The following FER variants were observed in gnomAD, a reference collection of about 807,000 sequenced individuals.
The protein encoded by FER is tyrosine-protein kinase Fer.
In FER, 63 loss-of-function variants were observed where a neutral mutation model predicts 111.0. That is an observed-to-expected ratio of 0.57 (90% CI 0.46 to 0.70). FER has a LOEUF of 0.70. Ranked by LOEUF, FER falls within the 30% of genes least tolerant of loss-of-function variation. The pLI is 0.00. For synonymous variants in FER, 327 were observed against 313.9 expected, an observed-to-expected ratio of 1.04 and a Z score of -0.44; for missense variants, 914 against 954.0, an observed-to-expected ratio of 0.96 and a Z score of 0.55.
At chr5:109,110,662 A>G (rs1468868150) in intron 17 of FER, among the ~76,000 whole-genome samples, 1 of 151,984 alleles carries the variant, frequency 6.6e-6, no homozygotes, top group Non-Finnish European at 1.5e-5. Flanking sequence ...TTTTATTATT[A>G]TTATACTTTA....
intron 13 of FER, among the ~76,000 whole-genome samples, chr5:108,973,345 A>T (rs1465005624): frequency 6.6e-6 from 1 of 152,192 alleles, no homozygotes; most frequent in Non-Finnish European, 1.5e-5. Context: ...CTAAGTTTGC[A>T]TGCTAAGAAT....
intron 17 of FER, among the ~76,000 whole-genome samples, chr5:109,171,145 A>T (rs1442593157): frequency 6.6e-6 from 1 of 152,188 alleles, no homozygotes; most frequent in African/African-American, 2.4e-5. Flanking sequence ...GCTTTTCATC[A>T]TGTTGTATTT....
At chr5:109,187,046 C>T (rs1384783358) in intron 19 of FER, among the ~76,000 whole-genome samples, 1 of 151,896 alleles carries the variant, frequency 6.6e-6, no homozygotes, top group Non-Finnish European at 1.5e-5. Flanking sequence ...TTATAAAATC[C>T]TCATATTGAA....
At chr5:109,153,239 TTTGAG>T (rs1755042073) in intron 17 of FER, among the ~76,000 whole-genome samples, 1 of 151,762 alleles carries the variant, frequency 6.6e-6, no homozygotes, top group Admixed American at 6.6e-5. Context: ...TGGACACTCA[TTTGAG>T]TTTTTATTAA....
At chr5:108,812,627 T>C (rs1757879605) in intron 3 of FER, among the ~76,000 whole-genome samples, 2 of 152,166 alleles carry the variant, frequency 1.3e-5, no homozygotes, top group Non-Finnish European at 2.9e-5. Context: ...CTGTCTGCTC[T>C]TTTTATGTTC....
intron 1 of FER, among the ~76,000 whole-genome samples, chr5:108,749,698 A>C (rs1316893441): frequency 6.6e-6 from 1 of 152,144 alleles, no homozygotes; most frequent in East Asian, 1.9e-4. Context: ...ATAGATCTTA[A>C]GTGTGAAGCT....
chr5:108,962,200 C>T (rs1401992015), intron 13 of FER, among the ~76,000 whole-genome samples: 1 of 152,168 alleles, frequency 6.6e-6, no homozygotes, highest in African/African-American at 2.4e-5. Flanking sequence ...CATCCCTCTC[C>T]CTGATTTTTC....
At chr5:109,010,623 C>T (rs1007492115) in intron 13 of FER, among the ~76,000 whole-genome samples, 1 of 152,176 alleles carries the variant, frequency 6.6e-6, no homozygotes, top group African/African-American at 2.4e-5. Flanking sequence ...TCTCACCCCA[C>T]ATCTTCTCTT....
rs567470409 is a variant in FER, at chr5:108,808,063, T to C, written c.207+9674T>C. Among the ~76,000 whole-genome samples the C allele has an allele frequency of 5.9e-5, 9 of 152,188 alleles. No individual in the cohort carries two copies. The East Asian group carries it at 1.5e-3, about 26-fold the overall frequency. On this transcript the variant is annotated intron_variant, in intron 3 of 19. Coordinates refer to ENST00000281092, the MANE Select transcript of FER (RefSeq NM_005246.4). ...AGCATGTGGTTGATGTTAGATTATG[T>C]TCCATGTCAGATGAGAGTAATGTGT...
In FER at chr5:108,750,963, C is replaced by T. The variant is rs561722758; in HGVS notation, c.-206+2963C>T. ...ATCCCAGCACTTTGGGAGGCCGAGG[C>T]GGGCGGATCACCTGAGGTCGGGAGT... On this transcript the variant is annotated intron_variant, in intron 1 of 19. Coordinates refer to ENST00000281092, the MANE Select transcript of FER (RefSeq NM_005246.4). Among the ~76,000 whole-genome samples the T allele has an allele frequency of 4.4e-4, 67 of 152,218 alleles. 1 individual carries two copies. Among genetic ancestry groups the T allele is most frequent in the South Asian group, 1.9e-3 (9 of 4,820 alleles).
Position 108,756,868 on chromosome 5 carries a change from A to G in FER, c.-206+8868A>G, listed in dbSNP as rs973596715. Among the ~76,000 whole-genome samples, 3 of 152,182 alleles carry G rather than the reference A, an allele frequency of 2.0e-5. No homozygotes were observed. In the South Asian group the frequency reaches 6.2e-4, roughly 31 times the overall value. ...CCAGGTAGAGACAGTTTCTGTCAATATAAGTCTTAAGTCTTTTAGTAAATT... is the reference window on the plus strand; with the variant it reads ...CCAGGTAGAGACAGTTTCTGTCAATGTAAGTCTTAAGTCTTTTAGTAAATT... On this transcript the variant is annotated intron_variant, in intron 1 of 19. Coordinates refer to ENST00000281092, the MANE Select transcript of FER (RefSeq NM_005246.4).
intron 1 of FER, among the ~76,000 whole-genome samples, chr5:108,760,712 C>T (rs550988954): frequency 2.6e-5 from 4 of 152,240 alleles, no homozygotes; most frequent in South Asian, 2.1e-4. Context: ...AGAGTTAAGG[C>T]CTTGTTCTGG....
chr5:108,955,853 C>T (rs1419661009), intron 12 of FER, among the ~76,000 whole-genome samples: 3 of 151,704 alleles, frequency 2.0e-5, no homozygotes, highest in East Asian at 3.8e-4. Context: ...GCACATACAT[C>T]TCTTAATAAG....
At chr5:108,995,683 G>C (rs111702941) in intron 13 of FER, among the ~76,000 whole-genome samples, 17,238 of 152,134 alleles carry the variant, frequency 0.11, 1,089 homozygotes, top group Middle Eastern at 0.16. Context: ...CATTTGGGTT[G>C]GTTCCAAGTC....
At position 109,038,752 on chromosome 5, in the gene FER, A is replaced by T. The variant is rs138542841; in HGVS notation, c.1713+1274A>T. Among the ~76,000 whole-genome samples the T allele has an allele frequency of 7.3e-3, 1,115 of 152,132 alleles. 18 individuals carry two copies. The highest frequency in any genetic ancestry group is 0.026 in the African/African-American group (1,073 of 41,554). ...TATTACAAAGATTAATTTCCATGAT[A>T]CAATTAAATAATAAATTATAAAACT... On this transcript the variant is annotated intron_variant, in intron 14 of 19. Transcript: ENST00000281092.
chr5:109,028,207 T>A (rs918214625), intron 13 of FER, among the ~76,000 whole-genome samples: 3 of 152,212 alleles, frequency 2.0e-5, no homozygotes, highest in Admixed American at 2.0e-4. Context: ...TAAAGCTTTT[T>A]GTGATTTCAT....
chr5:108,917,360 A>G (rs1752402330), intron 10 of FER, among the ~76,000 whole-genome samples: 1 of 152,142 alleles, frequency 6.6e-6, no homozygotes, highest in Admixed American at 6.5e-5. Flanking sequence ...ACTTAAGATA[A>G]TTTGGTATAT....
chr5:109,142,271 G>A (rs1026350285), intron 17 of FER, among the ~76,000 whole-genome samples: 1 of 152,070 alleles, frequency 6.6e-6, no homozygotes, highest in Non-Finnish European at 1.5e-5. Context: ...TTAAGTTGTC[G>A]ATATTAGAAC....
chr5:108,945,742 C>A (rs72787098), intron 10 of FER, among the ~76,000 whole-genome samples: 20,451 of 151,836 alleles, frequency 0.13, 1,428 homozygotes, highest in Middle Eastern at 0.16. Context: ...GAATTCCCTC[C>A]CAACTATAGT....
Sources: gnomAD v4.1 joint callset for allele counts (sites outside exome capture counted in the v4.1 genomes callset) on GRCh38, gnomAD v4.1.1 for gene constraint, MANE v1.5 for transcripts, NCBI Gene and HGNC (gene_info 2026-07-23, HGNC 2026-07-21) for gene names.